The following THTPA variants were observed in gnomAD, a reference collection of about 807,000 sequenced individuals.
The protein encoded by THTPA is thiamine-triphosphatase.
THTPA carries 16 observed loss-of-function variants against 16.5 expected under a neutral mutation model. The ratio of observed to expected loss-of-function variants is 0.97; its 90% confidence interval spans 0.66 to 1.47. The LOEUF (loss-of-function observed/expected upper bound fraction) is 1.47, where lower values mean the gene tolerates loss of function less well. THTPA is among the 40% of genes most tolerant of loss of function. The pLI is 0.00. For synonymous variants in THTPA, 110 were observed against 115.5 expected (o/e 0.95, Z 0.30); for missense variants, 281 against 280.9 (o/e 1.00, Z 0.00).
At chr14:23,512,086 C>A in the THTPA span, among the ~76,000 whole-genome samples, 12 of 152,228 alleles carry the variant, frequency 7.9e-5, no homozygotes, top group African/African-American at 2.6e-4. Context: ...CCCCTCTGCA[C>A]CCCCAGCCTG....
the THTPA span, among the ~76,000 whole-genome samples, chr14:23,517,803 C>T: frequency 6.6e-6 from 1 of 152,136 alleles, no homozygotes; most frequent in Non-Finnish European, 1.5e-5. Context: ...CTGCCAGCAA[C>T]AGCTTGGTAT....
At chr14:23,531,467 C>A in the THTPA span, 1 of 1,400,370 alleles carries the variant, frequency 7.1e-7, no homozygotes, top group South Asian at 1.6e-5. Context: ...ATTCTCCAGT[C>A]CCTTCTTCCT....
In THTPA at chr14:23,560,238, C is replaced by G. The variant is rs746482320; in HGVS notation, c.*1398C>G. On this transcript the variant is annotated 3_prime_UTR_variant, in exon 2 of 2. Coordinates refer to ENST00000288014, the MANE Select transcript of THTPA (RefSeq NM_024328.6). ...CTGGAGTCCCCAGGCCACCTCTGAA[C>G]TCTGATCTTTACAAACCTTGGGCAC... 8.1e-6 allele frequency: 13 copies of G among 1,612,586 alleles called. No homozygotes were observed. Among genetic ancestry groups the G allele is most frequent in the Non-Finnish European group, 1.1e-5 (13 of 1,179,808 alleles).
chr14:23,528,239 G>T, the THTPA span, among the ~76,000 whole-genome samples: 1 of 152,204 alleles, frequency 6.6e-6, no homozygotes, highest in Non-Finnish European at 1.5e-5. Flanking sequence ...GAACTAGCCA[G>T]ATAGGAAGGC....
the THTPA span, chr14:23,543,953 G>T: frequency 6.6e-6 from 1 of 152,098 alleles, no homozygotes; most frequent in African/African-American, 2.4e-5. Flanking sequence ...TCTCAATTTA[G>T]TCTCTTCATA....
chr14:23,536,961 A>AACCCTGGTG, the THTPA span, among the ~76,000 whole-genome samples: 3 of 151,826 alleles, frequency 2.0e-5, no homozygotes, highest in East Asian at 5.8e-4. Flanking sequence ...AACATGGTGA[A>AACCCTGGTG]ACCCTGTCTC....
chr14:23,525,171 C>G, the THTPA span: 1 of 1,536,072 alleles, frequency 6.5e-7, no homozygotes, highest in Non-Finnish European at 8.7e-7. The surrounding 1 kb of genome is among the most constrained non-coding windows in gnomAD (Gnocchi z 5.9). Context: ...CCGGCAGGCA[C>G]CAGGGGAGGA....
the THTPA span, chr14:23,531,920 G>C: frequency 1.7e-6 from 1 of 602,634 alleles, no homozygotes; most frequent in Non-Finnish European, 2.4e-6. Flanking sequence ...GGGATTACAG[G>C]CATGCGCACC....
chr14:23,524,651 G>A, the THTPA span: 1 of 1,536,282 alleles, frequency 6.5e-7, no homozygotes. This position sits in a 1 kb window ranked among gnomAD's most constrained non-coding sequence, Gnocchi z 5.6. Flanking sequence ...TGGGGAAGGT[G>A]ATGGAGTAGC....
the THTPA span, chr14:23,524,070 C>T: frequency 6.6e-7 from 1 of 1,521,058 alleles, no homozygotes; most frequent in Non-Finnish European, 8.8e-7. This position sits in a 1 kb window ranked among gnomAD's most constrained non-coding sequence, Gnocchi z 5.6. Context: ...CTCTTTGGGG[C>T]TTCCCTCCCA....
chr14:23,545,674 A>T, the THTPA span, among the ~76,000 whole-genome samples: 2 of 152,232 alleles, frequency 1.3e-5, no homozygotes, highest in East Asian at 3.8e-4. Context: ...AAGAAGCTGG[A>T]GATGAGAAGA....
chr14:23,530,377 T>C, the THTPA span: 1 of 699,364 alleles, frequency 1.4e-6, no homozygotes, highest in South Asian at 1.5e-5. Context: ...AGAGGGAAAA[T>C]TACAGTATTA....
In THTPA at chr14:23,559,079, C is replaced by T. The variant is rs1467156000; in HGVS notation, c.*239C>T. 2 of 527,824 alleles carry T rather than the reference C, an allele frequency of 3.8e-6. No homozygotes were observed. Among genetic ancestry groups the T allele is most frequent in the Non-Finnish European group, 6.8e-6 (2 of 295,566 alleles). 32.7% of individuals were successfully genotyped at this position (527,824 alleles called of 1,614,324 possible). On this transcript the variant is annotated 3_prime_UTR_variant, in exon 2 of 2. Coordinates refer to ENST00000288014, the MANE Select transcript of THTPA (RefSeq NM_024328.6). ...TCTCCCCTGGCCGCTAAGCAGCCTC[C>T]ATTGATTTCCGCTCGTGTTTATAGG... is the stretch of plus-strand genomic sequence containing the variant.
chr14:23,535,305 G>T, the THTPA span: 1 of 1,468,376 alleles, frequency 6.8e-7, no homozygotes, highest in African/African-American at 1.4e-5. This position sits in a 1 kb window ranked among gnomAD's most constrained non-coding sequence, Gnocchi z 4.5. Flanking sequence ...CAGTGGTAGA[G>T]GCTGAGTTAA....
chr14:23,523,309 G>A, the THTPA span: 1 of 1,449,244 alleles, frequency 6.9e-7, no homozygotes, highest in African/African-American at 1.4e-5. This position sits in a 1 kb window ranked among gnomAD's most constrained non-coding sequence, Gnocchi z 4.1. Flanking sequence ...CGAGGGGCAT[G>A]GAGGCAGGTG....
At chr14:23,523,648 C>G in the THTPA span, 5 of 1,549,866 alleles carry the variant, frequency 3.2e-6, no homozygotes, top group Non-Finnish European at 4.3e-6. This position sits in a 1 kb window ranked among gnomAD's most constrained non-coding sequence, Gnocchi z 4.1. Context: ...TCTCCTCTCC[C>G]AGCACCTCAC....
At chr14:23,546,167 C>G in the THTPA span, among the ~76,000 whole-genome samples, 2 of 152,350 alleles carry the variant, frequency 1.3e-5, no homozygotes, top group South Asian at 4.1e-4. The surrounding 1 kb of genome is among the most constrained non-coding windows in gnomAD (Gnocchi z 4.7). Context: ...ATAAACTGCT[C>G]TGCAGAGAGG....
chr14:23,556,598 A>T lies in THTPA; in HGVS notation c.-160A>T. ...GGGCCTTAATGTCACCGAGGTAGAG[A>T]GAAAAGGGCAGTAGCCCTAGAGACT... is the stretch of plus-strand genomic sequence containing the variant. On this transcript the variant is annotated 5_prime_UTR_variant, in exon 1 of 2. Transcript: ENST00000288014. The T allele has an allele frequency of 1.4e-6, 1 of 724,988 alleles. No homozygotes were observed. Among genetic ancestry groups the T allele is most frequent in the Non-Finnish European group, 2.2e-6 (1 of 452,554 alleles). The allele number at this position is 724,988 out of a possible 1,614,324, so 44.9% of individuals were successfully genotyped here. A position where few individuals can be genotyped will look rare whatever the true frequency, so the allele number is the denominator to read the frequency against.
At chr14:23,549,817 T>C in the THTPA span, among the ~76,000 whole-genome samples, 6 of 152,204 alleles carry the variant, frequency 3.9e-5, no homozygotes, top group East Asian at 9.6e-4. Flanking sequence ...TCACAAACCA[T>C]ACCCCACACC....
Sources: gnomAD v4.1 joint callset for allele counts (sites outside exome capture counted in the v4.1 genomes callset) on GRCh38, gnomAD v4.1.1 for gene constraint, Gnocchi (gnomAD v3.1) non-coding constraint, MANE v1.5 for transcripts, NCBI Gene and HGNC (gene_info 2026-07-23, HGNC 2026-07-21) for gene names.